Variants in WWOX observed in about 807,000 individuals in gnomAD.
WWOX encodes the protein WW domain containing oxidoreductase, also known as WW domain-containing oxidoreductase.
Under a neutral mutation model 46.2 loss-of-function variants are expected in WWOX, and 69 were observed. That is an observed-to-expected ratio of 1.49 (90% confidence interval 1.23 to 1.82). The LOEUF (loss-of-function observed/expected upper bound fraction) is 1.82. WWOX is among the 40% of genes most tolerant of loss of function. The pLI is 0.00. For synonymous variants in WWOX, 359 were observed against 202.6 expected, an observed-to-expected ratio of 1.77 and a Z score of -6.56; for missense variants, 919 against 542.6, an observed-to-expected ratio of 1.69 and a Z score of -6.89.
At chr16:78,193,237 G>T (rs1461568862) in intron 5 of WWOX, among the ~76,000 whole-genome samples, 1 of 152,224 alleles carries the variant, frequency 6.6e-6, no homozygotes, top group Non-Finnish European at 1.5e-5. Flanking sequence ...TGAGGCAAAG[G>T]CAGGGAGGGA....
intron 8 of WWOX, among the ~76,000 whole-genome samples, chr16:78,450,589 A>G (rs1439378400): frequency 6.6e-6 from 1 of 152,220 alleles, no homozygotes; most frequent in African/African-American, 2.4e-5. Flanking sequence ...TTAAAAGAAA[A>G]AAGAAAACCT....
In WWOX at chr16:78,694,352, A is replaced by G. The variant is rs372856403; in HGVS notation, c.1056+261600A>G. 6.1e-4 allele frequency among the ~76,000 whole-genome samples: 93 copies of G among 152,306 alleles called. 3 individuals carry two copies. In the South Asian group the frequency reaches 0.015, roughly 24 times the overall value. ...GACCATGGTCTTTACTGCTTCTGCA[A>G]ATACTTGACAAAAAGGGCCACACTC... On this transcript the variant is annotated intron_variant, in intron 8 of 8. Transcript: ENST00000566780.
Position 78,993,925 on chromosome 16 carries a change from G to A in WWOX, c.1057-217683G>A, listed in dbSNP as rs138808792. ...GGCATTATTTCCAGTGTATGTGACC[G>A]CTTCCCCCGTGGGAACAGTGTGGCA... On this transcript the variant is annotated intron_variant, in intron 8 of 8. Coordinates refer to ENST00000566780, the MANE Select transcript of WWOX (RefSeq NM_016373.4). 9.4e-3 allele frequency among the ~76,000 whole-genome samples: 1,431 copies of A among 152,258 alleles called. 5 individuals are homozygous for A. The highest frequency in any genetic ancestry group is 0.015 in the Non-Finnish European group (1,002 of 68,008).
intron 5 of WWOX, among the ~76,000 whole-genome samples, chr16:78,261,396 C>A (rs984153850): frequency 7.2e-6 from 1 of 139,590 alleles, no homozygotes; most frequent in Middle Eastern, 3.4e-3. Flanking sequence ...CAGAGCAAGA[C>A]CCTGTCTCTA....
chr16:79,181,890 C>T (rs1196822329), intron 8 of WWOX, among the ~76,000 whole-genome samples: 3 of 152,180 alleles, frequency 2.0e-5, no homozygotes, highest in Admixed American at 2.0e-4. Flanking sequence ...TAATTCTGTT[C>T]CCCACTGGGA....
chr16:78,792,038 C>T (rs570727694), intron 8 of WWOX, among the ~76,000 whole-genome samples: 40 of 152,268 alleles, frequency 2.6e-4, no homozygotes, highest in African/African-American at 9.4e-4. Context: ...CCTTGAGCTA[C>T]ACATCCCATA....
chr16:79,147,418 C>T (rs1293928314), intron 8 of WWOX, among the ~76,000 whole-genome samples: 3 of 152,184 alleles, frequency 2.0e-5, no homozygotes, highest in African/African-American at 7.2e-5. Flanking sequence ...CCAGTTGTTG[C>T]ACGTGTCGGT....
chr16:79,169,211 A>G (rs922563571), intron 8 of WWOX, among the ~76,000 whole-genome samples: 4 of 152,336 alleles, frequency 2.6e-5, no homozygotes, highest in African/African-American at 7.2e-5. Flanking sequence ...TTTCAGAGAC[A>G]GGGGCATTTG....
intron 5 of WWOX, among the ~76,000 whole-genome samples, chr16:78,319,621 G>C (rs2080424329): frequency 6.6e-6 from 1 of 152,066 alleles, no homozygotes; most frequent in South Asian, 2.1e-4. Flanking sequence ...ATAAATGTGT[G>C]TTATTTCAAG....
intron 5 of WWOX, among the ~76,000 whole-genome samples, chr16:78,298,827 G>C (rs1183504061): frequency 6.6e-6 from 1 of 151,812 alleles, no homozygotes; most frequent in African/African-American, 2.4e-5. Flanking sequence ...CTTCTAGATT[G>C]TGAGGATTAA....
intron 8 of WWOX, among the ~76,000 whole-genome samples, chr16:79,107,679 A>G (rs2049338074): frequency 6.6e-6 from 1 of 152,342 alleles, no homozygotes; most frequent in East Asian, 1.9e-4. Context: ...TTCATGTCAC[A>G]TTTAAAAATG....
intron 5 of WWOX, among the ~76,000 whole-genome samples, chr16:78,351,298 C>CT (rs1335484383): frequency 6.6e-6 from 1 of 152,210 alleles, no homozygotes; most frequent in Non-Finnish European, 1.5e-5. Flanking sequence ...AATCCCTTTA[C>CT]TTTTTTGTGC....
intron 8 of WWOX, among the ~76,000 whole-genome samples, chr16:78,617,936 G>A (rs527462517): frequency 2.0e-5 from 3 of 152,332 alleles, no homozygotes; most frequent in South Asian, 4.1e-4. Context: ...CAAAGTGTGA[G>A]TGGGAAAGGA....
chr16:78,805,385 G>A (rs953736246), intron 8 of WWOX, among the ~76,000 whole-genome samples: 16 of 151,948 alleles, frequency 1.1e-4, no homozygotes, highest in African/African-American at 2.7e-4. Context: ...CTCAGCCTCC[G>A]GAGTAGCTGG....
intron 8 of WWOX, among the ~76,000 whole-genome samples, chr16:78,505,584 C>G (rs12051351): frequency 0.043 from 6,547 of 152,214 alleles, 294 homozygotes; most frequent in East Asian, 0.17. Flanking sequence ...CAGTGCCCTA[C>G]CTCTTGGGGC....
chr16:78,465,302 C>G (rs1430114349), intron 8 of WWOX, among the ~76,000 whole-genome samples: 1 of 152,214 alleles, frequency 6.6e-6, no homozygotes, highest in Non-Finnish European at 1.5e-5. Context: ...ATTCAGCCTT[C>G]TTTACCATTT....
At chr16:78,788,502 A>C (rs1194357750) in intron 8 of WWOX, among the ~76,000 whole-genome samples, 1 of 152,138 alleles carries the variant, frequency 6.6e-6, no homozygotes, top group Non-Finnish European at 1.5e-5. Flanking sequence ...GCTCCCATAA[A>C]AACCCAAGAG....
At chr16:78,398,017 T>A (rs1266533657) in intron 6 of WWOX, among the ~76,000 whole-genome samples, 1 of 152,244 alleles carries the variant, frequency 6.6e-6, no homozygotes, top group Non-Finnish European at 1.5e-5. Context: ...GCATCATCTT[T>A]ATACATTTAC....
chr16:78,690,242 A>G (rs899056328), intron 8 of WWOX, among the ~76,000 whole-genome samples: 2 of 152,082 alleles, frequency 1.3e-5, no homozygotes, highest in Non-Finnish European at 2.9e-5. Context: ...TATAGTGCAC[A>G]TGGTGAACAC....
Sources: gnomAD v4.1 joint callset for allele counts (sites outside exome capture counted in the v4.1 genomes callset) on GRCh38, gnomAD v4.1.1 for gene constraint, MANE v1.5 for transcripts, NCBI Gene and HGNC (gene_info 2026-07-23, HGNC 2026-07-21) for gene names.